Variants in CASP14 observed in about 807,000 individuals in gnomAD.
CASP14 encodes the protein caspase-14.
Under a neutral mutation model 28.4 loss-of-function variants are expected in CASP14, and 27 were observed. That is an observed-to-expected ratio of 0.95 (90% CI 0.70 to 1.31). CASP14 has a LOEUF of 1.31. Ranked by LOEUF, CASP14 falls within the 50% of genes most tolerant of loss-of-function variation. The pLI, the probability that CASP14 is intolerant of heterozygous loss-of-function variation, is 0.00. For missense variants in CASP14, 323 were observed against 312.8 expected, an observed-to-expected ratio of 1.03 and a Z score of -0.25; for synonymous variants, 115 against 118.6, an observed-to-expected ratio of 0.97 and a Z score of 0.20.
At chr19:15,052,378 A>G in intron 2 of CASP14, 100 bp downstream of exon 2, 1 of 1,185,148 alleles carries the variant, frequency 8.4e-7, no homozygotes, top group Non-Finnish European at 1.2e-6. Context: ...AAAAATCATG[A>G]TCTGAACTCA....
rs1007984723 is a variant in CASP14 at position 15,057,901 on chromosome 19, A to G, written c.*1812A>G. 1 of 152,234 alleles carries G rather than the reference A, an allele frequency of 6.6e-6. No individual in the cohort carries two copies. The highest frequency in any genetic ancestry group is 2.4e-5 in the African/African-American group (1 of 41,436). 9.4% of individuals were successfully genotyped at this position (152,234 alleles called of 1,614,324 possible). On this transcript the variant is annotated 3_prime_UTR_variant, in exon 7 of 7. Coordinates refer to ENST00000427043, the MANE Select transcript of CASP14 (RefSeq NM_012114.3). Reference sequence around the variant, plus strand: ...GAGATCCGGTCTCCAAAATAAATCAATCAATCAAATAAAGACCAAAGTCAA... The same window carrying G: ...GAGATCCGGTCTCCAAAATAAATCAGTCAATCAAATAAAGACCAAAGTCAA...
intron 4 of CASP14, 30 bp downstream of exon 4, chr19:15,053,988 G>A: frequency 6.4e-7 from 1 of 1,570,048 alleles, no homozygotes; most frequent in Non-Finnish European, 8.7e-7. Context: ...CACAGAGTCT[G>A]TGGTTTGTTG....
chr19:15,055,118 TTCTC>T lies in CASP14; in HGVS notation c.404-36_404-33del, dbSNP rs375804046. On this transcript the variant is annotated intron_variant, in intron 4 of 6. Transcript: ENST00000427043. Reference sequence around the variant, plus strand: ...CCCTGCCCAGCCCCTTTCCTTACCTTTCTCTCTGACTTTGCCTCCTCCTCTTCTT... The same window carrying T: ...CCCTGCCCAGCCCCTTTCCTTACCTTTCTGACTTTGCCTCCTCCTCTTCTT... 1,191 of 1,540,532 alleles carry T rather than the reference TTCTC, an allele frequency of 7.7e-4. 10 individuals carry two copies. The African/African-American group carries it at 0.014, about 19-fold the overall frequency.
At chr19:15,052,072 A>G (rs770575441) in intron 1 of CASP14, 134 bp from the exon 2 acceptor site, 35 of 589,202 alleles carry the variant, frequency 5.9e-5, no homozygotes, top group Non-Finnish European at 1.0e-4. Flanking sequence ...TATTGCCCAG[A>G]TCTGTCCACA....
At chr19:15,055,744 C>CAAAT (rs2046113912) in intron 6 of CASP14, among the ~76,000 whole-genome samples, 1 of 152,176 alleles carries the variant, frequency 6.6e-6, no homozygotes, top group Admixed American at 6.5e-5. Flanking sequence ...TTTCTATAAA[C>CAAAT]AAATCCCCCT....
intron 2 of CASP14, 55 bp from the exon 3 acceptor site, chr19:15,053,427 C>T: frequency 6.2e-7 from 1 of 1,608,424 alleles, no homozygotes; most frequent in Admixed American, 1.7e-5. Flanking sequence ...CTTTTGACTA[C>T]ATCTGCTTCT....
In CASP14 at chr19:15,055,930, C is replaced by A. The variant is rs906931345; in HGVS notation, c.625-55C>A. ...CCACCTGCCCCGTTCCCTAACCCTC[C>A]CCCCATAAGTCCATGACACTGACTC... On this transcript the variant is annotated intron_variant, in intron 6 of 6. Transcript: ENST00000427043. 5.7e-6 allele frequency: 8 copies of A among 1,405,496 alleles called. No individual in the cohort carries two copies. The African/African-American group carries it at 8.5e-5, about 15-fold the overall frequency. The allele number at this position is 1,405,496 out of a possible 1,614,324, so 87.1% of individuals were successfully genotyped here.
Position 15,053,577 on chromosome 19 carries a change from C to T in CASP14, c.123C>T (p.His41=), listed in dbSNP as rs201108070. 7.4e-6 allele frequency: 12 copies of T among 1,614,152 alleles called. No homozygotes were observed. The African/African-American group carries it at 1.1e-4, about 14-fold the overall frequency. The part of the protein sequence containing the change: ...GSEEDLDALE[H]MFRQLRFEST... ...AAGAAGACCTGGATGCTCTGGAACA[C>T]ATGTTTCGGCAGCTGAGATTCGAAA... is the stretch of plus-strand genomic sequence containing the variant. The change falls in exon 3 of 7, where the codon CAC becomes CAT. Residue 41 remains histidine, a synonymous_variant. Coordinates refer to ENST00000427043, the MANE Select transcript of CASP14 (RefSeq NM_012114.3).
chr19:15,054,388 G>A (rs1480691364), intron 4 of CASP14, among the ~76,000 whole-genome samples: 13 of 152,042 alleles, frequency 8.6e-5, no homozygotes, highest in Admixed American at 3.3e-4. Flanking sequence ...GACTAGCGTC[G>A]AGCAATGTAA....
rs1020161745 is a variant in CASP14 at position 15,057,395 on chromosome 19, T to G, written c.*1306T>G. 3.3e-5 allele frequency: 5 copies of G among 152,360 alleles called. No homozygotes were observed. Among genetic ancestry groups the G allele is most frequent in the African/African-American group, 1.2e-4 (5 of 41,446 alleles). 9.4% of individuals were successfully genotyped at this position (152,360 alleles called of 1,614,324 possible). On this transcript the variant is annotated 3_prime_UTR_variant, in exon 7 of 7. Transcript: ENST00000427043. ...CACCATGCCCAGTCCAGCCTGATTT[T>G]GAAACAACTTTCATGCCGGTCTTCT...
intron 2 of CASP14, 77 bp downstream of exon 2, chr19:15,052,355 G>A: frequency 1.5e-6 from 2 of 1,352,676 alleles, no homozygotes; most frequent in East Asian, 2.8e-5. Context: ...TTTGGAAAGA[G>A]TGGAGGGACT....
At position 15,057,734 on chromosome 19, in the gene CASP14, A is replaced by G. The variant is rs2046124324; in HGVS notation, c.*1645A>G. ...CAAGACCCTGTCTCTAAAAAAAAAAATTAATTAACTGGGTATGGTGGCACA... is the reference window on the plus strand; with the variant it reads ...CAAGACCCTGTCTCTAAAAAAAAAAGTTAATTAACTGGGTATGGTGGCACA... On this transcript the variant is annotated 3_prime_UTR_variant, in exon 7 of 7. Coordinates refer to ENST00000427043, the MANE Select transcript of CASP14 (RefSeq NM_012114.3). 6.6e-6 allele frequency: 1 copy of G among 152,162 alleles called. No homozygotes were observed. The highest frequency in any genetic ancestry group is 2.4e-5 in the African/African-American group (1 of 41,408). The allele number at this position is 152,162 out of a possible 1,614,324, so 9.4% of individuals were successfully genotyped here.
chr19:15,053,851 A>G lies in CASP14; in HGVS notation c.296A>G (p.Asp99Gly). The change falls in exon 4 of 7, where the codon GAT (aspartate) becomes GGT (glycine). Residue 99 changes from aspartate to glycine, a missense_variant. Transcript: ENST00000427043. ...AGGGAAGGCTTCCTCAAGGGAGAAG[A>G]TGGGGAGATGGTCAAGCTGGAGAAT... Reference protein sequence around the residue: ...HGREGFLKGEDGEMVKLENLF... With the variant: ...HGREGFLKGEGGEMVKLENLF... 6.2e-7 allele frequency: 1 copy of G among 1,614,132 alleles called. No individual in the cohort carries two copies. The highest frequency in any genetic ancestry group is 1.7e-5 in the Admixed American group (1 of 60,020).
chr19:15,053,498 C>T lies in CASP14; in HGVS notation c.44C>T (p.Ser15Leu), dbSNP rs1296579068. Reference sequence around the variant, plus strand: ...TGGCCCCAGGAGAAATATGATATGTCAGGTGCCCGCCTGGCCCTAATACTG... The same window carrying T: ...TGGCCCCAGGAGAAATATGATATGTTAGGTGCCCGCCTGGCCCTAATACTG... ...RSLEEEKYDM[S>L]GARLALILCV... is the part of the protein sequence containing the mutation. The change falls in exon 3 of 7, where the codon TCA (serine) becomes TTA (leucine). Residue 15 changes from serine to leucine, a missense_variant. Physicochemically the swap from Ser to Leu is moderately radical, Grantham distance 145 (BLOSUM62 -2). Coordinates refer to ENST00000427043, the MANE Select transcript of CASP14 (RefSeq NM_012114.3). The T allele has an allele frequency of 3.1e-6, 5 of 1,614,118 alleles. No homozygotes were observed. Among genetic ancestry groups the T allele is most frequent in the Non-Finnish European group, 3.4e-6 (4 of 1,180,024 alleles).
Position 15,052,219 on chromosome 19 carries a change from T to A in CASP14, c.-33T>A. Reference sequence around the variant, plus strand: ...CTTGACTCCAAGGATCAGACAAGGGTGCTGAGAGCCGGGACTCACAACCAA... The same window carrying A: ...CTTGACTCCAAGGATCAGACAAGGGAGCTGAGAGCCGGGACTCACAACCAA... On this transcript the variant is annotated 5_prime_UTR_variant, in exon 2 of 7. Coordinates refer to ENST00000427043, the MANE Select transcript of CASP14 (RefSeq NM_012114.3). The A allele has an allele frequency of 6.3e-7, 1 of 1,580,228 alleles. No homozygotes were observed. Among genetic ancestry groups the A allele is most frequent in the Non-Finnish European group, 8.6e-7 (1 of 1,164,836 alleles).
chr19:15,053,907 C>G lies in CASP14; in HGVS notation c.352C>G (p.Gln118Glu). 1 of 1,614,120 alleles carries G rather than the reference C, an allele frequency of 6.2e-7. No homozygotes were observed. The highest frequency in any genetic ancestry group is 8.5e-7 in the Non-Finnish European group (1 of 1,180,026). Residue 118 changes from glutamine (Q) to glutamate (E), a missense_variant, in exon 4 of 7, where the codon CAG becomes GAG. Physicochemically the swap from Gln to Glu is conservative, Grantham distance 29 (BLOSUM62 2). Coordinates refer to ENST00000427043, the MANE Select transcript of CASP14 (RefSeq NM_012114.3). ...LFEALNNKNC[Q>E]ALRAKPKVYI... ...CGAGGCCCTGAACAACAAGAACTGC[C>G]AGGCCCTGCGAGCTAAGCCCAAGGT...
intron 1 of CASP14, 123 bp from the exon 2 acceptor site, chr19:15,052,083 G>A: frequency 1.6e-6 from 1 of 643,046 alleles, no homozygotes; most frequent in Non-Finnish European, 2.7e-6. Flanking sequence ...TCTGTCCACA[G>A]ACCAAATCCC....
Position 15,055,279 on chromosome 19 carries a change from G to A in CASP14, c.520+5G>A. The stretch of plus-strand genomic sequence containing the variant: ...ACGTTTATTCCACGGTAGAGGGTAT[G>A]AGCTCCCAGCTGGCCCAGGGATCCC... On this transcript the variant is annotated splice_donor_5th_base_variant and intron_variant, in intron 5 of 6. Coordinates refer to ENST00000427043, the MANE Select transcript of CASP14 (RefSeq NM_012114.3). The A allele has an allele frequency of 1.9e-6, 3 of 1,610,914 alleles. No homozygotes were observed. Among genetic ancestry groups the A allele is most frequent in the Non-Finnish European group, 1.7e-6 (2 of 1,177,192 alleles).
At chr19:15,050,665 G>A (rs1223484746) in intron 1 of CASP14, among the ~76,000 whole-genome samples, 1 of 152,098 alleles carries the variant, frequency 6.6e-6, no homozygotes, top group Non-Finnish European at 1.5e-5. Flanking sequence ...AGAGATAATG[G>A]ATGAATGGAT....
Sources: allele counts gnomAD v4.1 joint callset (sites outside exome capture counted in the v4.1 genomes callset), GRCh38; gene constraint gnomAD v4.1.1; transcripts MANE v1.5; gene names NCBI Gene and HGNC (gene_info 2026-07-23, HGNC 2026-07-21).